SPAG9: variants seen among roughly 807,000 people sequenced by gnomAD.
SPAG9 encodes sperm associated antigen 9.
In SPAG9, 35 loss-of-function variants were observed where a neutral mutation model predicts 166.5. The observed-to-expected ratio is 0.21, with a 90% CI of 0.16 to 0.28. SPAG9 has a LOEUF of 0.28. Among genes scored for constraint, SPAG9 ranks in the 10% least tolerant of loss-of-function variants. The pLI is 1.00. For missense variants in SPAG9, 1,235 were observed against 1,603.3 expected (o/e 0.77, Z 3.92); for synonymous variants, 534 against 565.5 (o/e 0.94, Z 0.79).
chr17:51,089,423 TCAAAAAAA>T (rs1203014377), intron 1 of SPAG9, among the ~76,000 whole-genome samples: 1 of 150,776 alleles, frequency 6.6e-6, no homozygotes, highest in South Asian at 2.1e-4. Flanking sequence ...AAACTCTGTC[TCAAAAAAA>T]CAAAAAAACA....
At chr17:51,093,712 A>AG (rs1290931793) in intron 1 of SPAG9, among the ~76,000 whole-genome samples, 2 of 149,538 alleles carry the variant, frequency 1.3e-5, no homozygotes, top group South Asian at 2.1e-4. Context: ...AAAAAAAAAA[A>AG]AAAGAAAATT....
intron 2 of SPAG9, among the ~76,000 whole-genome samples, chr17:51,077,284 C>T (rs571965255): frequency 9.7e-4 from 148 of 152,036 alleles, no homozygotes; most frequent in African/African-American, 3.3e-3. Context: ...CCACCATGTC[C>T]GGCTAATTTT....
chr17:51,058,690 C>G (rs1355893991), intron 2 of SPAG9, among the ~76,000 whole-genome samples: 2 of 152,140 alleles, frequency 1.3e-5, no homozygotes, highest in Non-Finnish European at 2.9e-5. Context: ...AAAATGTGTA[C>G]CCAAGTCAGG....
intron 25 of SPAG9, among the ~76,000 whole-genome samples, chr17:50,982,263 G>A (rs1974718323): frequency 1.3e-5 from 2 of 152,102 alleles, no homozygotes; most frequent in Non-Finnish European, 2.9e-5. Flanking sequence ...CATATTTCTG[G>A]ATACATACAC....
chr17:50,988,526 G>A (rs573310162), intron 21 of SPAG9, among the ~76,000 whole-genome samples: 3 of 152,134 alleles, frequency 2.0e-5, no homozygotes, highest in Admixed American at 6.6e-5. Flanking sequence ...ACCCTTTAAC[G>A]GAGGAGCCTA....
chr17:51,048,754 T>G lies in SPAG9; in HGVS notation c.496-1285A>C, dbSNP rs186747025. On this transcript the variant is annotated intron_variant, in intron 3 of 29. Coordinates refer to ENST00000262013, the MANE Select transcript of SPAG9 (RefSeq NM_001130528.3). ...AAATAAACAAAAAGCTGAACTCTGA[T>G]GCATGAAATAAAACAAATTAACCAG... 5.3e-5 allele frequency among the ~76,000 whole-genome samples: 8 copies of G among 152,328 alleles called. No individual in the cohort carries two copies. In the East Asian group the frequency reaches 1.5e-3, roughly 29 times the overall value.
intron 16 of SPAG9, 152 bp downstream of exon 16, chr17:50,996,413 A>G: frequency 1.2e-6 from 1 of 831,656 alleles, no homozygotes; most frequent in South Asian, 1.8e-5. Flanking sequence ...AAACAGCCTG[A>G]AAACCACCAC....
intron 5 of SPAG9, among the ~76,000 whole-genome samples, chr17:51,035,742 T>A (rs1013014368): frequency 6.6e-6 from 1 of 152,248 alleles, no homozygotes; most frequent in Non-Finnish European, 1.5e-5. Context: ...TCTCTAAAAT[T>A]TTCACAAGTA....
intron 5 of SPAG9, among the ~76,000 whole-genome samples, chr17:51,040,852 C>A (rs911107665): frequency 6.6e-6 from 1 of 152,080 alleles, no homozygotes; most frequent in Non-Finnish European, 1.5e-5. Flanking sequence ...AACAAAAGAT[C>A]TTTTATAATC....
At chr17:50,990,885 C>T in intron 19 of SPAG9, 1 of 472,558 alleles carries the variant, frequency 2.1e-6, no homozygotes, top group Non-Finnish European at 3.8e-6. Context: ...TGCAAATAAA[C>T]ATAAAAATGT....
At chr17:51,083,232 T>A (rs374790024) in intron 1 of SPAG9, among the ~76,000 whole-genome samples, 5 of 140,802 alleles carry the variant, frequency 3.6e-5, no homozygotes, top group African/African-American at 1.4e-4. Context: ...TTCTTTTTTC[T>A]TTTTTTTTTT....
At chr17:51,093,868 C>A (rs2048540893) in intron 1 of SPAG9, among the ~76,000 whole-genome samples, 1 of 152,034 alleles carries the variant, frequency 6.6e-6, no homozygotes, top group African/African-American at 2.4e-5. Flanking sequence ...ACCAGACTGG[C>A]CAGGTGGCCT....
In SPAG9 at chr17:50,969,932, A is replaced by C. The variant is rs542670928; in HGVS notation, c.3850+775T>G. ...TGTCTCTATCTCTGCACTGTTCTAT[A>C]ATCTATTAGACGAAGGCTTTGTCTG... On this transcript the variant is annotated intron_variant, in intron 29 of 29. Coordinates refer to ENST00000262013, the MANE Select transcript of SPAG9 (RefSeq NM_001130528.3). Among the ~76,000 whole-genome samples, 26 of 152,314 alleles carry C rather than the reference A, an allele frequency of 1.7e-4. 1 individual carries two copies. The highest frequency in any genetic ancestry group is 1.2e-3 in the Admixed American group (18 of 15,298).
chr17:51,027,611 A>G (rs1475633717), intron 6 of SPAG9, among the ~76,000 whole-genome samples: 1 of 152,132 alleles, frequency 6.6e-6, no homozygotes, highest in Non-Finnish European at 1.5e-5. Flanking sequence ...TGAAGCTGAA[A>G]AATTCTTGTT....
chr17:50,968,054 C>T (rs1471060124), intron 29 of SPAG9, among the ~76,000 whole-genome samples: 1 of 152,170 alleles, frequency 6.6e-6, no homozygotes, highest in Non-Finnish European at 1.5e-5. Flanking sequence ...CACAAAGTTA[C>T]AAAAATCACC....
chr17:51,088,556 GGAGGCCAAGGTGGGCA>G lies in SPAG9; in HGVS notation c.304-8868_304-8853del, dbSNP rs1296624811. Among the ~76,000 whole-genome samples the G allele has an allele frequency of 2.6e-5, 4 of 152,286 alleles. No homozygotes were observed. In the East Asian group the frequency reaches 7.7e-4, roughly 29 times the overall value. ...TCACACCTGTAATCTCAGTACTTTGGGAGGCCAAGGTGGGCAGATCACGAGATCAGGAGATCGAGAC... is the reference window on the plus strand; with the variant it reads ...TCACACCTGTAATCTCAGTACTTTGGGATCACGAGATCAGGAGATCGAGAC... On this transcript the variant is annotated intron_variant, in intron 1 of 29. Coordinates refer to ENST00000262013, the MANE Select transcript of SPAG9 (RefSeq NM_001130528.3).
chr17:50,998,506 T>C lies in SPAG9; in HGVS notation c.1776A>G (p.Arg592=), dbSNP rs764747629. The C allele has an allele frequency of 2.5e-6, 4 of 1,614,074 alleles. No homozygotes were observed. The highest frequency in any genetic ancestry group is 1.3e-5 in the African/African-American group (1 of 74,944). The change falls in exon 15 of 30, where the codon AGA becomes AGG. Residue 592 remains arginine, a synonymous_variant. Coordinates refer to ENST00000262013, the MANE Select transcript of SPAG9 (RefSeq NM_001130528.3). ...CAGGGAGCTGAGATAAGGTGCTGCT[T>C]CTTTTCTTGACGGACGGAGTAACAT... ...TSHVTPSVKK[R]SSTLSQLPGD...
chr17:50,999,744 A>T, intron 13 of SPAG9, 27 bp from the exon 14 acceptor site: 6 of 1,601,244 alleles, frequency 3.7e-6, no homozygotes, highest in Non-Finnish European at 5.1e-6. Context: ...AAGAAAAGAA[A>T]CATTTATCAG....
chr17:51,101,642 G>A lies in SPAG9; in HGVS notation c.303+18712C>T, dbSNP rs146529444. 1.3e-4 allele frequency among the ~76,000 whole-genome samples: 19 copies of A among 151,910 alleles called. No homozygotes were observed. The East Asian group carries it at 3.5e-3, about 28-fold the overall frequency. On this transcript the variant is annotated intron_variant, in intron 1 of 29. Coordinates refer to ENST00000262013, the MANE Select transcript of SPAG9 (RefSeq NM_001130528.3). ...TTTTTTTTTGAGGGGGACAGGGGAG[G>A]GATGGAGTTTCACTATTGTTGCCCA...
Sources: allele counts gnomAD v4.1 joint callset (sites outside exome capture counted in the v4.1 genomes callset), GRCh38; gene constraint gnomAD v4.1.1; transcripts MANE v1.5; gene names NCBI Gene and HGNC (gene_info 2026-07-23, HGNC 2026-07-21).